The following GOPC variants were observed in gnomAD, a reference collection of about 807,000 sequenced individuals.
The protein encoded by GOPC is Golgi-associated PDZ and coiled-coil motif-containing protein.
Under a neutral mutation model 51.2 loss-of-function variants are expected in GOPC, and 32 were observed. That is an observed-to-expected ratio of 0.63 (90% CI 0.47 to 0.84). GOPC has a LOEUF of 0.84. Among genes scored for constraint, GOPC ranks in the 40% least tolerant of loss-of-function variants. The pLI is 0.00. For synonymous variants in GOPC, 190 were observed against 205.1 expected, an observed-to-expected ratio of 0.93 and a Z score of 0.63; for missense variants, 441 against 555.5, an observed-to-expected ratio of 0.79 and a Z score of 2.07.
At chr6:117,596,005 A>G (rs187163572) in intron 1 of GOPC, among the ~76,000 whole-genome samples, 26 of 152,310 alleles carry the variant, frequency 1.7e-4, no homozygotes, top group Admixed American at 8.5e-4. Flanking sequence ...GGTGGTTTAC[A>G]TTCCCACCAA....
rs202098515 is a variant in GOPC, at chr6:117,563,401, A to G, written c.1259-17T>C. On this transcript the variant is annotated splice_polypyrimidine_tract_variant and intron_variant, in intron 8 of 8. Transcript: ENST00000368498. Reference sequence around the variant, plus strand: ...TATTAAATCCTGAAAGAAAGGAGAAAAAAAAAGCAGACACTTTCTGGTTTA... The same window carrying G: ...TATTAAATCCTGAAAGAAAGGAGAAGAAAAAAGCAGACACTTTCTGGTTTA... 2.9e-5 allele frequency: 47 copies of G among 1,611,922 alleles called. No individual in the cohort carries two copies. In the African/African-American group the frequency reaches 4.8e-4, roughly 16 times the overall value.
chr6:117,594,221 G>C (rs1474547478), intron 1 of GOPC, among the ~76,000 whole-genome samples: 1 of 151,996 alleles, frequency 6.6e-6, no homozygotes. Context: ...ACTATCTCTC[G>C]AATCTTCAAA....
intron 1 of GOPC, among the ~76,000 whole-genome samples, chr6:117,595,827 T>C (rs1439916615): frequency 6.6e-6 from 1 of 152,206 alleles, no homozygotes; most frequent in Non-Finnish European, 1.5e-5. Flanking sequence ...GCTGGTTCCA[T>C]ATTTTTGCAA....
intron 1 of GOPC, among the ~76,000 whole-genome samples, chr6:117,592,137 C>T (rs925521097): frequency 1.3e-5 from 2 of 152,114 alleles, no homozygotes; most frequent in South Asian, 2.1e-4. Context: ...GAGGCCAAGG[C>T]GGGAGGATCA....
At chr6:117,575,380 TAATGA>T (rs747871278) in intron 3 of GOPC, 28 bp from the exon 4 acceptor site, 26 of 1,519,228 alleles carry the variant, frequency 1.7e-5, no homozygotes, top group Non-Finnish European at 2.3e-5. Context: ...GCATATAATT[TAATGA>T]AAATAAAAAC....
At chr6:117,572,948 A>G (rs1057450773) in intron 5 of GOPC, among the ~76,000 whole-genome samples, 3 of 152,228 alleles carry the variant, frequency 2.0e-5, no homozygotes, top group Non-Finnish European at 2.9e-5. Context: ...TTCAATAAAG[A>G]TTTATCCAGA....
In GOPC at chr6:117,573,530, A is replaced by G; in HGVS notation, c.753T>C (p.Thr251=). ...TACGTCCTCTGCAGGCTCGGATCAC[A>G]GTTTTGTGACGATGCAAATGTATTT... The part of the protein sequence containing the change: ...EAEIHLHRHK[T]VIRACRGRND... The change falls in exon 5 of 9, where the codon ACT becomes ACC. Residue 251 remains threonine (T), a synonymous_variant. Transcript: ENST00000368498. 2 of 1,614,074 alleles carry G rather than the reference A, an allele frequency of 1.2e-6. No homozygotes were observed. The highest frequency in any genetic ancestry group is 1.7e-6 in the Non-Finnish European group (2 of 1,179,990).
intron 5 of GOPC, 62 bp from the exon 6 acceptor site, chr6:117,571,017 A>G: frequency 1.4e-6 from 1 of 732,918 alleles, no homozygotes; most frequent in Non-Finnish European, 2.3e-6. Flanking sequence ...AAATAGAGTA[A>G]ACTCATACTA....
chr6:117,562,480 T>C lies in GOPC; in HGVS notation c.*774A>G, dbSNP rs545505087. ...GAAAACAAGCATTTGAGGCTCAACA[T>C]GAATGGGTAAATGCTCCAGTACTGC... On this transcript the variant is annotated 3_prime_UTR_variant, in exon 9 of 9. Coordinates refer to ENST00000368498, the MANE Select transcript of GOPC (RefSeq NM_020399.4). 9.8e-6 allele frequency: 2 copies of C among 203,364 alleles called. No homozygotes were observed. Among genetic ancestry groups the C allele is most frequent in the South Asian group, 1.9e-4 (1 of 5,274 alleles). 12.6% of individuals were successfully genotyped at this position (203,364 alleles called of 1,614,324 possible).
chr6:117,570,662 G>A (rs1583052943), intron 6 of GOPC, among the ~76,000 whole-genome samples, 198 bp downstream of exon 6: 1 of 151,608 alleles, frequency 6.6e-6, no homozygotes, highest in African/African-American at 2.4e-5. Context: ...GCTTACTAAA[G>A]GTACACTTAA....
At chr6:117,574,994 G>A (rs746417528) in intron 4 of GOPC, among the ~76,000 whole-genome samples, 183 bp downstream of exon 4, 6 of 152,080 alleles carry the variant, frequency 3.9e-5, no homozygotes, top group Non-Finnish European at 8.8e-5. Flanking sequence ...TAGGAGAATC[G>A]CTTGAACCCA....
chr6:117,576,462 T>C (rs1324464176), intron 3 of GOPC, among the ~76,000 whole-genome samples: 1 of 152,194 alleles, frequency 6.6e-6, no homozygotes, highest in South Asian at 2.1e-4. Context: ...AGTTTGGAGA[T>C]ACAAACAAAA....
chr6:117,589,246 G>C (rs1167978582), intron 1 of GOPC, among the ~76,000 whole-genome samples: 1 of 152,200 alleles, frequency 6.6e-6, no homozygotes, highest in Non-Finnish European at 1.5e-5. Flanking sequence ...AGATCATGCA[G>C]AGCCTGTCTG....
chr6:117,570,730 C>A, intron 6 of GOPC, 130 bp downstream of exon 6: 2 of 415,150 alleles, frequency 4.8e-6, no homozygotes, highest in Non-Finnish European at 8.6e-6. Context: ...AAACATTTAT[C>A]CCCATGGGGA....
intron 6 of GOPC, among the ~76,000 whole-genome samples, chr6:117,570,234 T>TA (rs554562772): frequency 0.2 from 27,423 of 136,988 alleles, 2,648 homozygotes; most frequent in Middle Eastern, 0.22. Flanking sequence ...AGGCAGCACA[T>TA]AAAAAAAAAA....
chr6:117,564,214 G>A (rs942218250), intron 8 of GOPC, among the ~76,000 whole-genome samples: 5 of 152,146 alleles, frequency 3.3e-5, no homozygotes, highest in Admixed American at 2.6e-4. Flanking sequence ...GGCCTCAAGC[G>A]ATCCTCCTGC....
intron 1 of GOPC, among the ~76,000 whole-genome samples, chr6:117,596,723 G>T (rs761388835): frequency 2.0e-5 from 3 of 151,972 alleles, no homozygotes; most frequent in Admixed American, 1.3e-4. Context: ...TTTATTTCTG[G>T]GTTCTCTATT....
chr6:117,590,584 A>AG (rs1369364151), intron 1 of GOPC, among the ~76,000 whole-genome samples: 1 of 151,764 alleles, frequency 6.6e-6, no homozygotes, highest in Admixed American at 6.6e-5. Flanking sequence ...AAAAAAAAAA[A>AG]AAAAAAAAAG....
At chr6:117,593,600 A>G (rs892184875) in intron 1 of GOPC, among the ~76,000 whole-genome samples, 1 of 152,192 alleles carries the variant, frequency 6.6e-6, no homozygotes, top group East Asian at 1.9e-4. Flanking sequence ...CCGTAGCCTC[A>G]GGCCTCTTAC....
Sources: allele counts gnomAD v4.1 joint callset (sites outside exome capture counted in the v4.1 genomes callset), GRCh38; gene constraint gnomAD v4.1.1; transcripts MANE v1.5; gene names NCBI Gene and HGNC (gene_info 2026-07-23, HGNC 2026-07-21).